RAPGEF1: variants seen among roughly 807,000 people sequenced by gnomAD.
The protein encoded by RAPGEF1 is CRK SH3-binding GNRP.
RAPGEF1 carries 33 observed loss-of-function variants against 143.3 expected under a neutral mutation model. The observed-to-expected ratio is 0.23, with a 90% CI of 0.17 to 0.31. The LOEUF (loss-of-function observed/expected upper bound fraction) is 0.31, where lower values mean the gene tolerates loss of function less well. Ranked by LOEUF, RAPGEF1 falls within the 10% of genes least tolerant of loss-of-function variation. RAPGEF1 has a pLI of 1.00. For missense variants in RAPGEF1, 1,199 were observed against 1,645.4 expected (o/e 0.73, Z 4.69); for synonymous variants, 629 against 676.5 (o/e 0.93, Z 1.09).
intron 17 of RAPGEF1, among the ~76,000 whole-genome samples, chr9:131,594,992 C>T (rs752162438): frequency 6.6e-6 from 1 of 152,256 alleles, no homozygotes; most frequent in Non-Finnish European, 1.5e-5. Context: ...GGATTCACTG[C>T]AGAGAAGCCA....
intron 10 of RAPGEF1, among the ~76,000 whole-genome samples, chr9:131,622,337 C>G (rs762798145): frequency 6.6e-6 from 1 of 152,184 alleles, no homozygotes; most frequent in African/African-American, 2.4e-5. Context: ...GCAAGTGCCA[C>G]GAGCAGCTGC....
intron 1 of RAPGEF1, among the ~76,000 whole-genome samples, chr9:131,718,752 T>C (rs376075346): frequency 6.6e-6 from 1 of 152,160 alleles, no homozygotes; most frequent in African/African-American, 2.4e-5. Context: ...CCAAGAGTTC[T>C]GGTTCAGGTG....
chr9:131,622,567 C>G (rs374853847), intron 10 of RAPGEF1, among the ~76,000 whole-genome samples: 8 of 152,302 alleles, frequency 5.3e-5, no homozygotes, highest in Admixed American at 2.0e-4. Flanking sequence ...AGGAAATGCT[C>G]TCTCTCCAGG....
intron 1 of RAPGEF1, among the ~76,000 whole-genome samples, chr9:131,670,198 C>A (rs967693019): frequency 8.5e-5 from 13 of 152,130 alleles, no homozygotes; most frequent in African/African-American, 2.9e-4. Context: ...GAGTAAGTAC[C>A]CTAAGGATTG....
rs1383649163 is a variant in RAPGEF1, at chr9:131,583,145, ATG to A, written c.3415-445_3415-444del. ...TCAGGGAGGACCAACTAAAGATAGC[ATG>A]TGACCTCGCCCTCCCCAGGGCTGGG... On this transcript the variant is annotated intron_variant, in intron 24 of 26. Coordinates refer to ENST00000683357, the MANE Select transcript of RAPGEF1 (RefSeq NM_001377935.1). The surrounding 1 kb of genome is among the most constrained non-coding windows in gnomAD (Gnocchi z 4.7). 6.6e-6 allele frequency among the ~76,000 whole-genome samples: 1 copy of A among 152,114 alleles called. No homozygotes were observed. Among genetic ancestry groups the A allele is most frequent in the Non-Finnish European group, 1.5e-5 (1 of 68,002 alleles).
chr9:131,623,842 C>T (rs1195396662), intron 10 of RAPGEF1, among the ~76,000 whole-genome samples: 1 of 152,260 alleles, frequency 6.6e-6, no homozygotes, highest in Non-Finnish European at 1.5e-5. Context: ...ACTGAGCGTG[C>T]ATGAACTCAG....
intron 12 of RAPGEF1, among the ~76,000 whole-genome samples, chr9:131,614,209 G>A (rs1292534259): frequency 6.6e-6 from 1 of 152,174 alleles, no homozygotes; most frequent in Non-Finnish European, 1.5e-5. Flanking sequence ...TCTGCCCACA[G>A]ATGCTCCCTG....
intron 1 of RAPGEF1, among the ~76,000 whole-genome samples, chr9:131,722,621 G>C (rs1415246020): frequency 6.6e-6 from 1 of 152,212 alleles, no homozygotes; most frequent in East Asian, 1.9e-4. Context: ...AGCTTGCCAG[G>C]GGACAGCAGG....
intron 1 of RAPGEF1, among the ~76,000 whole-genome samples, chr9:131,722,653 C>T (rs1347635386): frequency 2.0e-5 from 3 of 152,212 alleles, no homozygotes. Context: ...GCTGAAAGGC[C>T]CAGGTCCAAG....
chr9:131,656,678 G>A (rs897202417), intron 1 of RAPGEF1, among the ~76,000 whole-genome samples: 6 of 152,208 alleles, frequency 3.9e-5, no homozygotes, highest in African/African-American at 7.2e-5. Context: ...CAACTGCGCC[G>A]TCATGACCAC....
chr9:131,579,766 C>T, intron 26 of RAPGEF1, 119 bp from the exon 27 acceptor site: 2 of 1,084,462 alleles, frequency 1.8e-6, no homozygotes, highest in Non-Finnish European at 2.6e-6. Flanking sequence ...CAAACGGATG[C>T]TGCAGGGGCT....
At chr9:131,595,446 C>G (rs1307201920) in intron 17 of RAPGEF1, among the ~76,000 whole-genome samples, 1 of 152,238 alleles carries the variant, frequency 6.6e-6, no homozygotes, top group Non-Finnish European at 1.5e-5. Flanking sequence ...GACAGAGTCC[C>G]TTACAGAAAT....
At chr9:131,585,871 T>G (rs1410166129) in intron 22 of RAPGEF1, among the ~76,000 whole-genome samples, 3 of 152,078 alleles carry the variant, frequency 2.0e-5, no homozygotes, top group African/African-American at 7.2e-5. Flanking sequence ...TTACTGGGAT[T>G]CATTTTGCTT....
At chr9:131,626,495 G>C (rs1159766956) in intron 9 of RAPGEF1, 73 bp from the exon 10 acceptor site, 11 of 1,459,042 alleles carry the variant, frequency 7.5e-6, no homozygotes, top group African/African-American at 1.4e-5. Context: ...CCCCCCGCCC[G>C]CCTCTCGCCG....
At chr9:131,702,542 C>G (rs1834738646) in intron 1 of RAPGEF1, among the ~76,000 whole-genome samples, 1 of 152,184 alleles carries the variant, frequency 6.6e-6, no homozygotes, top group African/African-American at 2.4e-5. Context: ...TTAAGTTTTA[C>G]AAGAGGAACG....
At chr9:131,627,239 A>AAAAAAAAAAAAAAAAAAAAAC (rs1963462193) in intron 9 of RAPGEF1, among the ~76,000 whole-genome samples, 1 of 145,534 alleles carries the variant, frequency 6.9e-6, no homozygotes, top group Admixed American at 6.9e-5. Flanking sequence ...AAAAAAAAAA[A>AAAAAAAAAAAAAAAAAAAAAC]AAGAAACAAT....
intron 22 of RAPGEF1, among the ~76,000 whole-genome samples, chr9:131,586,986 A>C (rs1430136643): frequency 9.5e-6 from 1 of 105,668 alleles, no homozygotes. Flanking sequence ...ACACACACAC[A>C]CCTGCAGAGT....
At chr9:131,737,739 C>T (rs532872425) in intron 1 of RAPGEF1, among the ~76,000 whole-genome samples, 2 of 152,096 alleles carry the variant, frequency 1.3e-5, no homozygotes, top group South Asian at 2.1e-4. Flanking sequence ...CCGAGGTGGG[C>T]GGATCACGAG....
At chr9:131,692,313 T>C (rs531769016) in intron 1 of RAPGEF1, among the ~76,000 whole-genome samples, 1 of 152,356 alleles carries the variant, frequency 6.6e-6, no homozygotes, top group Non-Finnish European at 1.5e-5. Context: ...AGAAAAACTA[T>C]AGTACACCTG....
Sources: allele counts gnomAD v4.1 joint callset (sites outside exome capture counted in the v4.1 genomes callset), GRCh38; gene constraint gnomAD v4.1.1; non-coding constraint Gnocchi (gnomAD v3.1); transcripts MANE v1.5; gene names NCBI Gene and HGNC (gene_info 2026-07-23, HGNC 2026-07-21).